BCO1: variants seen among roughly 807,000 people sequenced by gnomAD.
BCO1 encodes the protein beta-carotene oxygenase 1.
BCO1 carries 54 observed loss-of-function variants against 56.3 expected under a neutral mutation model. That is an observed-to-expected ratio of 0.96 (90% CI 0.77 to 1.20). BCO1 has a LOEUF of 1.20. Ranked by LOEUF, BCO1 falls within the 50% of genes most tolerant of loss-of-function variation. The pLI is 0.00. For synonymous variants in BCO1, 318 were observed against 266.1 expected, an observed-to-expected ratio of 1.20 and a Z score of -1.90; for missense variants, 801 against 690.9, an observed-to-expected ratio of 1.16 and a Z score of -1.79.
intron 7 of BCO1, among the ~76,000 whole-genome samples, chr16:81,273,154 T>C (rs1416383022): frequency 6.6e-6 from 1 of 152,138 alleles, no homozygotes. Flanking sequence ...TTTGTTTGTT[T>C]GTATTTTTAG....
At position 81,261,774 on chromosome 16, in the gene BCO1, C is replaced by T. The variant is rs1906495640; in HGVS notation, c.324-362C>T. The stretch of plus-strand genomic sequence containing the variant: ...TTTTTTTCTTTGAGACAGAGTCTCG[C>T]TCTTTCGCCCAGGCTGGAGTGTAGT... On this transcript the variant is annotated intron_variant, in intron 3 of 10. Coordinates refer to ENST00000258168, the MANE Select transcript of BCO1 (RefSeq NM_017429.3). The T allele has an allele frequency of 1.6e-5, 4 of 252,022 alleles. No individual in the cohort carries two copies. The South Asian group carries it at 1.8e-4, about 12-fold the overall frequency. 15.6% of individuals were successfully genotyped at this position (252,022 alleles called of 1,614,324 possible).
At chr16:81,284,227 T>A (rs1222903278) in intron 8 of BCO1, among the ~76,000 whole-genome samples, 2 of 130,812 alleles carry the variant, frequency 1.5e-5, no homozygotes, top group African/African-American at 5.8e-5. Context: ...TATATATATA[T>A]ATTTTTATAT....
intron 8 of BCO1, among the ~76,000 whole-genome samples, chr16:81,281,705 C>T (rs1449905004): frequency 6.6e-6 from 1 of 152,178 alleles, no homozygotes; most frequent in African/African-American, 2.4e-5. Flanking sequence ...TGGAGCAGGG[C>T]TCCTCAATCT....
chr16:81,245,741 T>C, intron 2 of BCO1, 138 bp downstream of exon 2: 1 of 1,095,084 alleles, frequency 9.1e-7, no homozygotes, highest in Non-Finnish European at 1.3e-6. Flanking sequence ...GAAATCAAGG[T>C]GTTCATAGGG....
chr16:81,264,548 A>T, intron 4 of BCO1, 92 bp from the exon 5 acceptor site: 1 of 1,483,422 alleles, frequency 6.7e-7, no homozygotes, highest in Non-Finnish European at 9.4e-7. Flanking sequence ...ATAGGACTTC[A>T]ACCTTTCTCC....
chr16:81,287,861 C>A (rs988447356), intron 10 of BCO1, among the ~76,000 whole-genome samples: 2 of 151,370 alleles, frequency 1.3e-5, no homozygotes, highest in Non-Finnish European at 3.0e-5. Context: ...AGTATTACTG[C>A]CAGCCAGGAA....
At chr16:81,264,882 T>G (rs1383201776) in intron 5 of BCO1, 95 bp downstream of exon 5, 2 of 1,395,418 alleles carry the variant, frequency 1.4e-6, no homozygotes, top group African/African-American at 1.4e-5. Flanking sequence ...AGATCCAGTG[T>G]GGTACTTTCT....
chr16:81,257,037 C>T (rs1906183225), intron 2 of BCO1, among the ~76,000 whole-genome samples: 1 of 152,162 alleles, frequency 6.6e-6, no homozygotes, highest in Non-Finnish European at 1.5e-5. Context: ...TCTGCATTTT[C>T]CCAACTCCAG....
chr16:81,289,155 A>G (rs1321704858), intron 10 of BCO1, among the ~76,000 whole-genome samples: 2 of 152,230 alleles, frequency 1.3e-5, no homozygotes, highest in African/African-American at 4.8e-5. Context: ...TCTGACCTCA[A>G]CGATGCTCAA....
intron 1 of BCO1, among the ~76,000 whole-genome samples, chr16:81,243,937 C>G (rs1315926897): frequency 6.6e-6 from 1 of 152,252 alleles, no homozygotes; most frequent in East Asian, 1.9e-4. Flanking sequence ...GCCATTGGAG[C>G]TAAATCCTCT....
At chr16:81,280,602 G>A (rs1907822311) in intron 7 of BCO1, among the ~76,000 whole-genome samples, 1 of 152,124 alleles carries the variant, frequency 6.6e-6, no homozygotes, top group African/African-American at 2.4e-5. Flanking sequence ...GGATAAGGCA[G>A]GCTCAGAGTA....
At chr16:81,267,308 A>G (rs1906887887) in intron 5 of BCO1, among the ~76,000 whole-genome samples, 2 of 152,128 alleles carry the variant, frequency 1.3e-5, no homozygotes, top group Non-Finnish European at 2.9e-5. Flanking sequence ...GACTATCTGC[A>G]TTTATATAAA....
At chr16:81,240,614 A>G (rs1905066369) in intron 1 of BCO1, among the ~76,000 whole-genome samples, 1 of 151,912 alleles carries the variant, frequency 6.6e-6, no homozygotes, top group Admixed American at 6.6e-5. Flanking sequence ...ATGAGGTAGT[A>G]GAATTGCTTG....
chr16:81,280,079 A>G (rs1257672603), intron 7 of BCO1, among the ~76,000 whole-genome samples: 1 of 151,970 alleles, frequency 6.6e-6, no homozygotes, highest in Non-Finnish European at 1.5e-5. Context: ...CCTGGCCAAC[A>G]TGATGAAACC....
chr16:81,242,129 G>A (rs1905151883), intron 1 of BCO1, among the ~76,000 whole-genome samples: 1 of 150,840 alleles, frequency 6.6e-6, no homozygotes, highest in East Asian at 1.9e-4. Flanking sequence ...CCTCTCCTGT[G>A]CCCTGGGTGC....
In BCO1 at chr16:81,268,096, T is replaced by C; in HGVS notation, c.808T>C (p.Trp270Arg). Reference protein sequence around the residue: ...MATAYIRRMSWASCLAFHREE... With the variant: ...MATAYIRRMSRASCLAFHREE... ...AACCGCATACATCCGGAGAATGAGC[T>C]GGGCCTCCTGCCTGGCTTTCCACAG... The change falls in exon 6 of 11, where the codon TGG becomes CGG. Residue 270 changes from tryptophan (W) to arginine (R), a missense_variant. By Grantham distance (101) the Trp-to-Arg change is moderately radical (BLOSUM62 -3). Transcript: ENST00000258168. 1 of 1,611,306 alleles carries C rather than the reference T, an allele frequency of 6.2e-7. No homozygotes were observed.
Position 81,245,535 on chromosome 16 carries a change from T to C in BCO1, c.125T>C (p.Val42Ala), listed in dbSNP as rs747232099. The change falls in exon 2 of 11, where the codon GTT (valine) becomes GCT (alanine). Residue 42 changes from valine to alanine, a missense_variant. Transcript: ENST00000258168. Reference protein sequence around the residue: ...LLRNGPGMHTVGESRYNHWFD... With the variant: ...LLRNGPGMHTAGESRYNHWFD... The stretch of plus-strand genomic sequence containing the variant: ...CGCAATGGGCCTGGGATGCACACAG[T>C]TGGGGAGTCCAGATACAACCATTGG... 2.2e-5 allele frequency: 35 copies of C among 1,613,654 alleles called. No homozygotes were observed. The highest frequency in any genetic ancestry group is 3.3e-4 in the Middle Eastern group (2 of 6,084).
intron 5 of BCO1, among the ~76,000 whole-genome samples, chr16:81,265,962 A>G (rs1906795656): frequency 7.0e-6 from 1 of 142,944 alleles, no homozygotes; most frequent in African/African-American, 2.6e-5. Flanking sequence ...CCTTCCATCC[A>G]CCATCTATCC....
At chr16:81,245,707 G>T (rs1273584828) in intron 2 of BCO1, 104 bp downstream of exon 2, 11 of 1,445,784 alleles carry the variant, frequency 7.6e-6, no homozygotes, top group Non-Finnish European at 1.0e-5. Flanking sequence ...GAGGTCAGAA[G>T]TCTAAATCGG....
Sources: allele counts gnomAD v4.1 joint callset (sites outside exome capture counted in the v4.1 genomes callset), GRCh38; gene constraint gnomAD v4.1.1; transcripts MANE v1.5; gene names NCBI Gene and HGNC (gene_info 2026-07-23, HGNC 2026-07-21).